Variants in SPAG16 observed in about 807,000 individuals in gnomAD.
SPAG16 encodes sperm-associated antigen 16 protein.
A neutral mutation model predicts 80.4 loss-of-function variants in SPAG16; 86 were observed. The observed-to-expected ratio is 1.07, with a 90% CI of 0.90 to 1.28. The LOEUF (loss-of-function observed/expected upper bound fraction) is 1.28. Among genes scored for constraint, SPAG16 ranks in the 50% most tolerant of loss-of-function variants. The probability of loss-of-function intolerance (pLI) is 0.00; values close to 1 mark genes in which losing one functional copy is unlikely to be tolerated. For synonymous variants in SPAG16, 294 were observed against 265.9 expected, an observed-to-expected ratio of 1.11 and a Z score of -1.03; for missense variants, 870 against 765.3, an observed-to-expected ratio of 1.14 and a Z score of -1.61.
chr2:213,436,269 G>A (rs571838881), intron 9 of SPAG16, among the ~76,000 whole-genome samples: 1 of 152,226 alleles, frequency 6.6e-6, no homozygotes, highest in African/African-American at 2.4e-5. Context: ...ACATTTAAGA[G>A]TGAGGAGAAA....
In SPAG16 at chr2:213,657,886, C is replaced by T. The variant is rs956075283; in HGVS notation, c.1070+167796C>T. ...TTTTCATTTTCCATTGATAAAAAAT[C>T]GAGAATGAGTCTTTCTACCTGTAGT... is the stretch of plus-strand genomic sequence containing the variant. On this transcript the variant is annotated intron_variant, in intron 10 of 15. Coordinates refer to ENST00000331683, the MANE Select transcript of SPAG16 (RefSeq NM_024532.5). Among the ~76,000 whole-genome samples the T allele has an allele frequency of 5.9e-5, 9 of 152,078 alleles. No individual in the cohort carries two copies. In the South Asian group the frequency reaches 6.2e-4, roughly 11 times the overall value.
intron 9 of SPAG16, among the ~76,000 whole-genome samples, chr2:213,390,659 T>G (rs1367032564): frequency 6.6e-6 from 1 of 152,198 alleles, no homozygotes; most frequent in Non-Finnish European, 1.5e-5. Context: ...GTAAAATTAT[T>G]AGATTATTTG....
chr2:213,580,735 AG>A (rs1425863217), intron 10 of SPAG16, among the ~76,000 whole-genome samples: 1 of 152,154 alleles, frequency 6.6e-6, no homozygotes, highest in African/African-American at 2.4e-5. Flanking sequence ...TCTTTAGATG[AG>A]TATATGGATG....
rs770578361 is a variant in SPAG16, at chr2:213,310,222, T to C, written c.398+45T>C. ...AATAGTTCTCTTAAAATTCTAACAT[T>C]TAACATATACACTTTTAAGTGTCTT... On this transcript the variant is annotated intron_variant, in intron 4 of 15. Transcript: ENST00000331683. 37 of 1,331,974 alleles carry C rather than the reference T, an allele frequency of 2.8e-5. 1 individual carries two copies. The South Asian group carries it at 4.6e-4, about 16-fold the overall frequency. The allele number at this position is 1,331,974 out of a possible 1,614,324, so 82.5% of individuals were successfully genotyped here.
intron 12 of SPAG16, among the ~76,000 whole-genome samples, 178 bp from the exon 13 acceptor site, chr2:214,013,773 G>A (rs143629213): frequency 2.8e-3 from 432 of 152,196 alleles, no homozygotes; most frequent in East Asian, 6.0e-3. Flanking sequence ...GCTACTAATC[G>A]TATAAAGTGC....
At chr2:213,751,239 A>G (rs566317144) in intron 10 of SPAG16, among the ~76,000 whole-genome samples, 1 of 152,132 alleles carries the variant, frequency 6.6e-6, no homozygotes, top group South Asian at 2.1e-4. Context: ...TGACATAGTT[A>G]TTTAAAACCT....
At chr2:214,292,912 T>G (rs978945889) in intron 15 of SPAG16, among the ~76,000 whole-genome samples, 3 of 152,224 alleles carry the variant, frequency 2.0e-5, no homozygotes, top group Admixed American at 6.5e-5. Flanking sequence ...TCATCAGCTG[T>G]AAAGTGTCAG....
chr2:213,721,582 C>A (rs1179915542), intron 10 of SPAG16, among the ~76,000 whole-genome samples: 2 of 152,246 alleles, frequency 1.3e-5, no homozygotes, highest in East Asian at 3.9e-4. Flanking sequence ...ACCACTTTTC[C>A]TCTTTAAACG....
At chr2:213,646,780 C>T (rs951569650) in intron 10 of SPAG16, among the ~76,000 whole-genome samples, 2 of 152,136 alleles carry the variant, frequency 1.3e-5, no homozygotes, top group African/African-American at 2.4e-5. Flanking sequence ...ATAATCTCTC[C>T]TGTGTACTCT....
chr2:214,232,271 CAG>C (rs1259114473), intron 15 of SPAG16, among the ~76,000 whole-genome samples: 2 of 152,036 alleles, frequency 1.3e-5, no homozygotes, highest in African/African-American at 4.8e-5. Context: ...AGAAATATCT[CAG>C]AGAGTATAGT....
chr2:214,077,604 G>A (rs1389399977), intron 13 of SPAG16, among the ~76,000 whole-genome samples: 7 of 152,198 alleles, frequency 4.6e-5, no homozygotes, highest in Non-Finnish European at 8.8e-5. Context: ...GTGCAGGCAC[G>A]TTGGCCAGCC....
At chr2:213,681,723 A>T (rs1208029533) in intron 10 of SPAG16, among the ~76,000 whole-genome samples, 1 of 152,188 alleles carries the variant, frequency 6.6e-6, no homozygotes, top group African/African-American at 2.4e-5. Context: ...CTTCTGAAAT[A>T]TGCATAGCAA....
intron 13 of SPAG16, among the ~76,000 whole-genome samples, chr2:214,060,795 A>G (rs2050222399): frequency 6.6e-6 from 1 of 152,198 alleles, no homozygotes; most frequent in African/African-American, 2.4e-5. Flanking sequence ...ATAAATCTCA[A>G]GTACCTGATA....
intron 12 of SPAG16, among the ~76,000 whole-genome samples, chr2:213,999,606 C>T (rs1273908644): frequency 6.6e-6 from 1 of 152,226 alleles, no homozygotes; most frequent in African/African-American, 2.4e-5. Flanking sequence ...GGGCCACCGT[C>T]TTCCAGACCC....
intron 4 of SPAG16, among the ~76,000 whole-genome samples, chr2:213,314,096 C>G (rs189510209): frequency 1.6e-4 from 24 of 151,884 alleles, no homozygotes; most frequent in African/African-American, 5.1e-4. Flanking sequence ...GGCAGTGGGT[C>G]TTAAATGCTT....
chr2:213,527,240 C>T (rs1363177281), intron 10 of SPAG16, among the ~76,000 whole-genome samples: 2 of 152,144 alleles, frequency 1.3e-5, no homozygotes. Flanking sequence ...CTCATAATCT[C>T]ATATTTTTCA....
In SPAG16 at chr2:213,929,064, A is replaced by C. The variant is rs142682879; in HGVS notation, c.1215-896A>C. On this transcript the variant is annotated intron_variant, in intron 11 of 15. Transcript: ENST00000331683. ...AGTCTTACTCTGTTGCCCAGGCTGCAGTGCAGTGGTGCGATCTGGGCTCAC... is the reference window on the plus strand; with the variant it reads ...AGTCTTACTCTGTTGCCCAGGCTGCCGTGCAGTGGTGCGATCTGGGCTCAC... Among the ~76,000 whole-genome samples, 970 of 127,076 alleles carry C rather than the reference A, an allele frequency of 7.6e-3. 11 individuals carry two copies. The highest frequency in any genetic ancestry group is 0.028 in the African/African-American group (879 of 31,436). 83.4% of individuals were successfully genotyped at this position (127,076 alleles called of 152,430 possible). A position where few individuals can be genotyped will look rare whatever the true frequency, so the allele number is the denominator to read the frequency against.
At chr2:213,524,798 C>T (rs746246514) in intron 10 of SPAG16, among the ~76,000 whole-genome samples, 14 of 152,318 alleles carry the variant, frequency 9.2e-5, no homozygotes, top group Non-Finnish European at 1.6e-4. Context: ...TTCAATTTTA[C>T]AGGCTCATGG....
chr2:213,324,816 A>G (rs898539748), intron 5 of SPAG16, among the ~76,000 whole-genome samples: 2 of 152,142 alleles, frequency 1.3e-5, no homozygotes, highest in African/African-American at 4.8e-5. Flanking sequence ...CTGCTCGTAC[A>G]TATTCCCACA....
Sources: allele counts gnomAD v4.1 joint callset (sites outside exome capture counted in the v4.1 genomes callset), GRCh38; gene constraint gnomAD v4.1.1; transcripts MANE v1.5; gene names NCBI Gene and HGNC (gene_info 2026-07-23, HGNC 2026-07-21).